ADNP: variants seen among roughly 807,000 people sequenced by gnomAD.
The protein encoded by ADNP is activity-dependent neuroprotector homeobox protein.
ADNP carries 4 observed loss-of-function variants against 84.9 expected under a neutral mutation model. That is an observed-to-expected ratio of 0.05 (90% CI 0.02 to 0.11). ADNP has a LOEUF of 0.11. Ranked by LOEUF, ADNP falls within the 10% of genes least tolerant of loss-of-function variation. ADNP has a pLI of 1.00. For synonymous variants in ADNP, 554 were observed against 468.1 expected, an observed-to-expected ratio of 1.18 and a Z score of -2.37; for missense variants, 1,132 against 1,326.0, an observed-to-expected ratio of 0.85 and a Z score of 2.27.
chr20:50,928,457 TAAAAAAGCTGTA>T (rs1176595329), intron 2 of ADNP, among the ~76,000 whole-genome samples, 182 bp downstream of exon 2: 1 of 152,186 alleles, frequency 6.6e-6, no homozygotes, highest in Non-Finnish European at 1.5e-5. Context: ...AAATTTCTCT[TAAAAAAGCTGTA>T]AGTAATTTCT....
Position 50,892,047 on chromosome 20 carries a change from A to G in ADNP, c.2667T>C (p.Ser889=). Residue 889 remains serine, a synonymous_variant, in exon 6 of 6, where the codon AGT becomes AGC. Transcript: ENST00000621696. ...CAAAAACAGGGTCAAAAGGGCTACC[A>G]CTTTCATTGGATTCTTCTTCCAAAT... ...FENLEEESNE[S]GSPFDPVFEV... 6.2e-7 allele frequency: 1 copy of G among 1,614,216 alleles called. No individual in the cohort carries two copies.
At chr20:50,902,479 A>T (rs1163192597) in intron 4 of ADNP, among the ~76,000 whole-genome samples, 2 of 152,128 alleles carry the variant, frequency 1.3e-5, no homozygotes, top group Non-Finnish European at 2.9e-5. Flanking sequence ...TGCTTACAGC[A>T]CTGCAAATAT....
At chr20:50,918,444 AGTG>A (rs1983680101) in intron 2 of ADNP, among the ~76,000 whole-genome samples, 1 of 152,214 alleles carries the variant, frequency 6.6e-6, no homozygotes, top group African/African-American at 2.4e-5. Flanking sequence ...ATTTAATATG[AGTG>A]GTAATACATT....
intron 2 of ADNP, among the ~76,000 whole-genome samples, chr20:50,919,288 A>ATATATATACATATATTTAC (rs1983756462): frequency 1.1e-5 from 1 of 90,734 alleles, no homozygotes; most frequent in African/African-American, 3.5e-5. Flanking sequence ...CATATATTTA[A>ATATATATACATATATTTAC]GTGTATATAT....
intron 2 of ADNP, among the ~76,000 whole-genome samples, chr20:50,917,776 C>T (rs1444159845): frequency 6.6e-6 from 1 of 152,134 alleles, no homozygotes; most frequent in Non-Finnish European, 1.5e-5. Flanking sequence ...ATATTCTCAG[C>T]AGTATTATTC....
At chr20:50,905,662 A>G (rs192261414) in intron 2 of ADNP, 1 of 152,340 alleles carries the variant, frequency 6.6e-6, no homozygotes, top group Non-Finnish European at 1.5e-5. Flanking sequence ...AGTATTTCAA[A>G]AAAACCTTCT....
At chr20:50,911,011 A>G (rs370297675) in intron 2 of ADNP, among the ~76,000 whole-genome samples, 17 of 152,298 alleles carry the variant, frequency 1.1e-4, no homozygotes, top group African/African-American at 3.8e-4. Flanking sequence ...CATTCCTATT[A>G]GTCTTTGCAA....
chr20:50,894,544 G>T, intron 5 of ADNP, 32 bp from the exon 6 acceptor site: 1 of 1,547,196 alleles, frequency 6.5e-7, no homozygotes, highest in South Asian at 1.3e-5. Context: ...GAATTAGAAT[G>T]CCACTTCAGA....
At position 50,891,609 on chromosome 20, in the gene ADNP, T is replaced by C; in HGVS notation, c.3105A>G (p.Lys1035=). The change falls in exon 6 of 6, where the codon AAA becomes AAG. Residue 1035 remains lysine (K), a synonymous_variant. Transcript: ENST00000621696. ...GGTCCTTAGACCAAAACCCTTCAAC[T>C]TTTCCATAGGAACTATTCTTCCATT... ...QLKWKNSSYG[K]VEGFWSKDQS... is the part of the protein sequence containing the mutation. 5.0e-6 allele frequency: 8 copies of C among 1,613,922 alleles called. No individual in the cohort carries two copies. The highest frequency in any genetic ancestry group is 6.8e-6 in the Non-Finnish European group (8 of 1,180,034).
intron 2 of ADNP, among the ~76,000 whole-genome samples, chr20:50,918,069 T>C (rs1983648829): frequency 1.3e-5 from 2 of 152,210 alleles, no homozygotes; most frequent in African/African-American, 4.8e-5. Flanking sequence ...AGAGGAGTTA[T>C]TGTTTAACAG....
Position 50,891,704 on chromosome 20 carries a change from C to T in ADNP, c.3010G>A (p.Glu1004Lys), listed in dbSNP as rs759208073. 8 of 1,614,074 alleles carry T rather than the reference C, an allele frequency of 5.0e-6. No individual in the cohort carries two copies. Among genetic ancestry groups the T allele is most frequent in the East Asian group, 2.2e-5 (1 of 44,902 alleles). Reference protein sequence around the residue: ...GTWSDESSQSEDARSSKPAAK... With the variant: ...GTWSDESSQSKDARSSKPAAK... ...GCTGGCTTACTGCTCCTTGCATCTT[C>T]GCTTTGGGAAGACTCGTCAGACCAG... The change falls in exon 6 of 6, where the codon GAA (glutamate) becomes AAA (lysine). Residue 1004 changes from glutamate to lysine, a missense_variant. Glu to Lys is a moderately conservative substitution (Grantham distance 56). Coordinates refer to ENST00000621696, the MANE Select transcript of ADNP (RefSeq NM_001282531.3).
intron 5 of ADNP, among the ~76,000 whole-genome samples, chr20:50,900,793 T>TTAAAGTACAGTGTAGTATCAGATTC (rs1981897006): frequency 1.3e-5 from 2 of 152,206 alleles, no homozygotes; most frequent in East Asian, 3.8e-4. Flanking sequence ...TTTCCTCTGA[T>TTAAAGTACAGTGTAGTATCAGATTC]TAAAGTACAG....
chr20:50,895,835 A>G (rs996377884), intron 5 of ADNP, among the ~76,000 whole-genome samples: 3 of 152,188 alleles, frequency 2.0e-5, no homozygotes, highest in South Asian at 2.1e-4. Context: ...GCCCTAAAAA[A>G]TATTTTTTCT....
chr20:50,917,296 G>C (rs1047577931), intron 2 of ADNP, among the ~76,000 whole-genome samples: 3 of 152,168 alleles, frequency 2.0e-5, no homozygotes, highest in Non-Finnish European at 4.4e-5. Flanking sequence ...CAGAAATTAA[G>C]AATCTGTACG....
chr20:50,900,549 G>C (rs562018709), intron 5 of ADNP, among the ~76,000 whole-genome samples: 25 of 152,154 alleles, frequency 1.6e-4, no homozygotes, highest in African/African-American at 6.0e-4. Flanking sequence ...CATATGTTGC[G>C]CTATGATGTC....
At chr20:50,925,503 C>T (rs1568746850) in intron 2 of ADNP, among the ~76,000 whole-genome samples, 1 of 152,106 alleles carries the variant, frequency 6.6e-6, no homozygotes, top group Non-Finnish European at 1.5e-5. Context: ...TCCTCACTTT[C>T]TAATAAACAG....
At chr20:50,916,590 T>C (rs1406161280) in intron 2 of ADNP, among the ~76,000 whole-genome samples, 1 of 152,206 alleles carries the variant, frequency 6.6e-6, no homozygotes, top group Non-Finnish European at 1.5e-5. Flanking sequence ...ATGTGACATA[T>C]TCAGGAGATG....
rs1293812178 is a variant in ADNP, at chr20:50,891,032, G to T, written c.*373C>A. On this transcript the variant is annotated 3_prime_UTR_variant, in exon 6 of 6. Transcript: ENST00000621696. ...ACTATACACATTAGACTGGTAGCTT[G>T]TATGTTGGCCCTACACTACCATGTG... is the stretch of plus-strand genomic sequence containing the variant. 6 of 1,037,630 alleles carry T rather than the reference G, an allele frequency of 5.8e-6. No homozygotes were observed. In the African/African-American group the frequency reaches 8.5e-5, roughly 15 times the overall value. The allele number at this position is 1,037,630 out of a possible 1,614,324, so 64.3% of individuals were successfully genotyped here. A position where few individuals can be genotyped will look rare whatever the true frequency, so the allele number is the denominator to read the frequency against.
intron 4 of ADNP, 80 bp from the exon 5 acceptor site, chr20:50,902,189 A>T: frequency 9.5e-7 from 1 of 1,054,440 alleles, no homozygotes; most frequent in Non-Finnish European, 1.5e-6. Context: ...CTCACCTCTT[A>T]ACTAAGATGG....
Sources: gnomAD v4.1 joint callset for allele counts (sites outside exome capture counted in the v4.1 genomes callset) on GRCh38, gnomAD v4.1.1 for gene constraint, MANE v1.5 for transcripts, NCBI Gene and HGNC (gene_info 2026-07-23, HGNC 2026-07-21) for gene names.